Variants in ADGRE3 observed in about 807,000 individuals in gnomAD.
ADGRE3 encodes the protein adhesion G protein-coupled receptor E3, also known as EGF-like module receptor 3.
In ADGRE3, 88 loss-of-function variants were observed where a neutral mutation model predicts 80.1. The ratio of observed to expected loss-of-function variants is 1.10; its 90% confidence interval spans 0.93 to 1.31. The LOEUF is 1.31. Ranked by LOEUF, ADGRE3 falls within the 40% of genes most tolerant of loss-of-function variation. The probability of loss-of-function intolerance (pLI) is 0.00; values close to 1 mark genes in which losing one functional copy is unlikely to be tolerated. For missense variants in ADGRE3, 715 were observed against 776.5 expected, an observed-to-expected ratio of 0.92 and a Z score of 0.94; for synonymous variants, 281 against 294.8, an observed-to-expected ratio of 0.95 and a Z score of 0.48.
intron 15 of ADGRE3, among the ~76,000 whole-genome samples, chr19:14,624,932 A>AG (rs113987580): frequency 1.3e-5 from 2 of 151,468 alleles, no homozygotes; most frequent in East Asian, 1.9e-4. Context: ...GGGACGTTGG[A>AG]GGGGGGAGAG....
At chr19:14,667,476 G>A (rs1238925285) in intron 2 of ADGRE3, among the ~76,000 whole-genome samples, 1 of 151,954 alleles carries the variant, frequency 6.6e-6, no homozygotes, top group Non-Finnish European at 1.5e-5. Flanking sequence ...TTAAGAAAAT[G>A]TGGCATGTAT....
At chr19:14,628,119 ACT>A (rs778506236) in intron 14 of ADGRE3, among the ~76,000 whole-genome samples, 1 of 151,950 alleles carries the variant, frequency 6.6e-6, no homozygotes, top group Non-Finnish European at 1.5e-5. Context: ...CAAGAGCCAA[ACT>A]CTGTCTCAAA....
At chr19:14,647,438 G>T in intron 7 of ADGRE3, 73 bp from the exon 8 acceptor site, 1 of 1,200,642 alleles carries the variant, frequency 8.3e-7, no homozygotes, top group East Asian at 2.6e-5. Context: ...TTGAGACGGA[G>T]TCTCGCTCTT....
intron 11 of ADGRE3, among the ~76,000 whole-genome samples, chr19:14,636,785 C>T (rs1160002874): frequency 6.6e-6 from 1 of 151,970 alleles, no homozygotes; most frequent in African/African-American, 2.4e-5. Flanking sequence ...TAGGTAACAA[C>T]TTAAATATTA....
chr19:14,656,696 T>C (rs1009899817), intron 5 of ADGRE3, among the ~76,000 whole-genome samples: 5 of 152,176 alleles, frequency 3.3e-5, no homozygotes, highest in East Asian at 1.9e-4. Flanking sequence ...AGGCAGCCTT[T>C]TCCTATTGGC....
At chr19:14,613,420 G>T in the ADGRE3 span, among the ~76,000 whole-genome samples, 1 of 147,602 alleles carries the variant, frequency 6.8e-6, no homozygotes, top group Non-Finnish European at 1.5e-5. Flanking sequence ...TGTATAGACA[G>T]GGGTCTTGCT....
At chr19:14,647,509 C>G (rs1340000937) in intron 7 of ADGRE3, 144 bp from the exon 8 acceptor site, 4 of 595,136 alleles carry the variant, frequency 6.7e-6, no homozygotes, top group Non-Finnish European at 1.1e-5. Flanking sequence ...CTCCGCCTCC[C>G]GGGTTCAAGT....
At chr19:14,619,100 T>TA (rs1302596954), downstream of ADGRE3, 1 of 307,828 alleles carries the variant, frequency 3.2e-6, no homozygotes, top group Non-Finnish European at 6.1e-6. Context: ...AACTCTGTCT[T>TA]AAAAAAAGAG....
At chr19:14,650,457 T>TCTCTCTCCC (rs1971560739) in intron 7 of ADGRE3, among the ~76,000 whole-genome samples, 1 of 149,358 alleles carries the variant, frequency 6.7e-6, no homozygotes, top group Non-Finnish European at 1.5e-5. Context: ...TCTTTCCACA[T>TCTCTCTCCC]CTCTCTCCCC....
At chr19:14,637,970 G>A in intron 11 of ADGRE3, 135 bp downstream of exon 11, 1 of 670,508 alleles carries the variant, frequency 1.5e-6, no homozygotes, top group Non-Finnish European at 2.6e-6. Context: ...TGCTTTGTTG[G>A]GAAAGAGGTT....
rs1477157056 is a variant in ADGRE3, at chr19:14,644,099, A to G, written c.1050+9T>C. On this transcript the variant is annotated intron_variant, in intron 9 of 15. Transcript: ENST00000253673. ...TATTTGCTGGAAGAATAAAACATATACATCATACCTGGCTGGTCAGGGCCA... is the reference window on the plus strand; with the variant it reads ...TATTTGCTGGAAGAATAAAACATATGCATCATACCTGGCTGGTCAGGGCCA... The G allele has an allele frequency of 6.1e-6, 9 of 1,469,328 alleles. No individual in the cohort carries two copies. The highest frequency in any genetic ancestry group is 8.2e-6 in the Non-Finnish European group (9 of 1,103,870). The allele number at this position is 1,469,328 out of a possible 1,614,324, so 91.0% of individuals were successfully genotyped here.
chr19:14,604,375 T>C, the ADGRE3 span, among the ~76,000 whole-genome samples: 15 of 152,184 alleles, frequency 9.9e-5, no homozygotes, highest in Non-Finnish European at 5.9e-5. Context: ...CATTTTTTTT[T>C]CCATCAAAGC....
intron 14 of ADGRE3, among the ~76,000 whole-genome samples, chr19:14,629,324 A>T (rs1970817352): frequency 6.6e-6 from 1 of 152,144 alleles, no homozygotes; most frequent in African/African-American, 2.4e-5. Flanking sequence ...GAAAAAAAAT[A>T]ATTCATGTGA....
At chr19:14,624,378 G>A (rs936963709) in intron 15 of ADGRE3, among the ~76,000 whole-genome samples, 3 of 152,168 alleles carry the variant, frequency 2.0e-5, no homozygotes, top group African/African-American at 7.2e-5. Flanking sequence ...ATAGGCGTGA[G>A]CCACTGTGCC....
chr19:14,659,937 C>T (rs1171531721), intron 4 of ADGRE3, among the ~76,000 whole-genome samples: 1 of 150,744 alleles, frequency 6.6e-6, no homozygotes, highest in African/African-American at 2.4e-5. Flanking sequence ...GTTTTCAGCT[C>T]AGTCTATTTG....
intron 4 of ADGRE3, among the ~76,000 whole-genome samples, chr19:14,660,030 A>G (rs1490379808): frequency 1.3e-5 from 2 of 152,058 alleles, no homozygotes; most frequent in Non-Finnish European, 2.9e-5. Flanking sequence ...CCCTGAGTCT[A>G]GAATATGTTT....
At chr19:14,602,185 C>T in the ADGRE3 span, among the ~76,000 whole-genome samples, 13 of 151,854 alleles carry the variant, frequency 8.6e-5, no homozygotes, top group African/African-American at 3.1e-4. Context: ...TTATTTATGT[C>T]ATTATATTTA....
chr19:14,662,099 T>C lies in ADGRE3; in HGVS notation c.219A>G (p.Pro73=), dbSNP rs761140810. The C allele has an allele frequency of 6.2e-7, 1 of 1,613,900 alleles. No individual in the cohort carries two copies. The highest frequency in any genetic ancestry group is 8.5e-7 in the Non-Finnish European group (1 of 1,179,940). ...TAAATCCACAATATACACTATAGGG[T>C]GGTGTACATTCATTAATGTCTGGAA... ...ETCNDINECT[P]PYSVYCGFNA... The change falls in exon 4 of 16, where the codon CCA becomes CCG. Residue 73 remains proline (P), a synonymous_variant. Coordinates refer to ENST00000253673, the MANE Select transcript of ADGRE3 (RefSeq NM_032571.5).
intron 5 of ADGRE3, among the ~76,000 whole-genome samples, chr19:14,656,579 G>T (rs1971772899): frequency 6.6e-6 from 1 of 152,094 alleles, no homozygotes. Context: ...GGGGAAGGCT[G>T]GTTGCCCTAC....
Sources: allele counts gnomAD v4.1 joint callset (sites outside exome capture counted in the v4.1 genomes callset), GRCh38; gene constraint gnomAD v4.1.1; transcripts MANE v1.5; gene names NCBI Gene and HGNC (gene_info 2026-07-23, HGNC 2026-07-21).